Variants in KLF18 observed in about 807,000 individuals in gnomAD.
KLF18 encodes the protein KLF transcription factor 18, also known as Kruppel-like factor 18.
chr1:44,138,033 A>C (rs1201227296), intron 1 of KLF18, 22 bp from the exon 2 acceptor site: 1 of 398,608 alleles, frequency 2.5e-6, no homozygotes, highest in African/African-American at 2.1e-5. Flanking sequence ...AGAGAGAGAG[A>C]GACCTGTCAT....
rs1029394475 is a variant in KLF18, at chr1:44,139,739, T to G, written c.1893A>C (p.Thr631=). 4.6e-5 allele frequency: 14 copies of G among 304,034 alleles called. No homozygotes were observed. Among genetic ancestry groups the G allele is most frequent in the Non-Finnish European group, 7.8e-5 (14 of 178,428 alleles). The allele number at this position is 304,034 out of a possible 1,614,324, so 18.8% of individuals were successfully genotyped here. The change falls in exon 1 of 2, where the codon ACA becomes ACC. Residue 631 remains threonine, a synonymous_variant. Coordinates refer to ENST00000634670, the MANE Select transcript of KLF18 (RefSeq NM_001358438.1). ...AGAGGGTCTGGTTACTAGCAGAGGT[T>G]GTCATCTGCCCCCCGTAGAGGGCCT... ...GNQALYGGQM[T]TSASNQTLCG...
In KLF18 at chr1:44,141,047, A is replaced by T. The variant is rs1161423448; in HGVS notation, c.585T>A (p.Thr195=). ...TACCGGAAGTCACTGTATGACCATCAGTGAGGGTCTGGTCACTACTGAAGG... is the reference window on the plus strand; with the variant it reads ...TACCGGAAGTCACTGTATGACCATCTGTGAGGGTCTGGTCACTACTGAAGG... The part of the protein sequence containing the change: ...QVTFSSDQTL[T]DGHTVTSGSD... The change falls in exon 1 of 2, where the codon ACT becomes ACA. Residue 195 remains threonine (T), a synonymous_variant. Transcript: ENST00000634670. 3 of 398,396 alleles carry T rather than the reference A, an allele frequency of 7.5e-6. No individual in the cohort carries two copies. Among genetic ancestry groups the T allele is most frequent in the Non-Finnish European group, 1.3e-5 (3 of 226,132 alleles). 24.7% of individuals were successfully genotyped at this position (398,396 alleles called of 1,614,324 possible).
Position 44,140,962 on chromosome 1 carries a change from T to C in KLF18, c.670A>G (p.Met224Val), listed in dbSNP as rs1643234343. The change falls in exon 1 of 2, where the codon ATG (methionine) becomes GTG (valine). Residue 224 changes from methionine to valine, a missense_variant. By Grantham distance (21) the Met-to-Val change is conservative. Transcript: ENST00000634670. ...TTSLDLYGGQMMTSIDNQTLC... is the reference protein window; with the variant it reads ...TTSLDLYGGQVMTSIDNQTLC... ...GTCTGGTTATCAATGGAAGTCATCA[T>C]TTGCCCTCCATAGAGGTCTAGACTG... 1 of 398,698 alleles carries C rather than the reference T, an allele frequency of 2.5e-6. No homozygotes were observed. 24.7% of individuals were successfully genotyped at this position (398,698 alleles called of 1,614,324 possible). A position where few individuals can be genotyped will look rare whatever the true frequency, so the allele number is the denominator to read the frequency against.
rs187231823 is a variant in KLF18, at chr1:44,139,585, C to G, written c.2047G>C (p.Gly683Arg). 7.7e-6 allele frequency: 3 copies of G among 389,972 alleles called. No individual in the cohort carries two copies. The highest frequency in any genetic ancestry group is 9.5e-5 in the Admixed American group (2 of 20,984). 24.2% of individuals were successfully genotyped at this position (389,972 alleles called of 1,614,324 possible). A position where few individuals can be genotyped will look rare whatever the true frequency, so the allele number is the denominator to read the frequency against. Reference protein sequence around the residue: ...TTSTGNQALYGGQMTTSTSNQ... With the variant: ...TTSTGNQALYRGQMTTSTSNQ... ...CTAGTGGAGGTCGTCATCTGCCCCC[C>G]GTAGAGGGCCTGGTTACCAGTGGAG... The change falls in exon 1 of 2, where the codon GGG (glycine) becomes CGG (arginine). Residue 683 changes from glycine (G) to arginine (R), a missense_variant. Gly to Arg is a moderately radical substitution (Grantham distance 125). Coordinates refer to ENST00000634670, the MANE Select transcript of KLF18 (RefSeq NM_001358438.1).
chr1:44,138,039 G>A, intron 1 of KLF18, 28 bp from the exon 2 acceptor site: 1 of 398,688 alleles, frequency 2.5e-6, no homozygotes, highest in Middle Eastern at 6.3e-4. Context: ...AGAGAGACCT[G>A]TCATACATCA....
Sources: allele counts gnomAD v4.1 joint callset, GRCh38; gene constraint gnomAD v4.1.1; transcripts MANE v1.5; gene names NCBI Gene and HGNC (gene_info 2026-07-23, HGNC 2026-07-21).